The following HTT variants were observed in gnomAD, a reference collection of about 807,000 sequenced individuals.
HTT encodes the protein huntington disease protein.
HTT carries 104 observed loss-of-function variants against 362.3 expected under a neutral mutation model. That is an observed-to-expected ratio of 0.29 (90% CI 0.24 to 0.34). HTT has a LOEUF of 0.34. HTT is among the 10% of genes least tolerant of loss of function. The pLI, the probability that HTT is intolerant of heterozygous loss-of-function variation, is 1.00. For synonymous variants in HTT, 1,577 were observed against 1,548.7 expected, an observed-to-expected ratio of 1.02 and a Z score of -0.43; for missense variants, 3,301 against 3,928.6, an observed-to-expected ratio of 0.84 and a Z score of 4.27.
At chr4:3,087,533 T>C (rs1713272271) in intron 2 of HTT, among the ~76,000 whole-genome samples, 1 of 152,198 alleles carries the variant, frequency 6.6e-6, no homozygotes, top group Non-Finnish European at 1.5e-5. Context: ...CTCACTGGGA[T>C]GAACTAGCAG....
At chr4:3,078,418 A>G (rs1369156082) in intron 1 of HTT, among the ~76,000 whole-genome samples, 3 of 152,216 alleles carry the variant, frequency 2.0e-5, no homozygotes, top group African/African-American at 7.2e-5. Flanking sequence ...AAAGCAGGGA[A>G]GGGGATAGGG....
chr4:3,209,026 G>A (rs1720008054), intron 46 of HTT, 115 bp downstream of exon 46: 4 of 1,174,818 alleles, frequency 3.4e-6, no homozygotes, highest in South Asian at 1.6e-5. Context: ...TCTGGCGCTC[G>A]GCTCGGCTCA....
Position 3,136,252 on chromosome 4 carries a change from C to T in HTT, c.2724C>T (p.Leu908=). The stretch of plus-strand genomic sequence containing the variant: ...TTTTAAAACTGCAAGAACGAGTGCT[C>T]AATAATGTTGTCATCCATTTGCTTG... ...TGLLKLQERV[L]NNVVIHLLGD... Residue 908 remains leucine, a synonymous_variant, in exon 21 of 67, where the codon CTC becomes CTT. Coordinates refer to ENST00000355072, the MANE Select transcript of HTT (RefSeq NM_001388492.1). 2 of 1,611,196 alleles carry T rather than the reference C, an allele frequency of 1.2e-6. No homozygotes were observed. Among genetic ancestry groups the T allele is most frequent in the African/African-American group, 2.7e-5 (2 of 74,942 alleles).
Position 3,156,591 on chromosome 4 carries a change from GTAGAA to G in HTT, c.3626-477_3626-473del, listed in dbSNP as rs1355593074. On this transcript the variant is annotated intron_variant, in intron 27 of 66. Coordinates refer to ENST00000355072, the MANE Select transcript of HTT (RefSeq NM_001388492.1). ...CCAAGTCAAAAGTCTTCAAACTGAAGTAGAATAGTTGTATATAGTGCTTGGCACTT... is the reference window on the plus strand; with the variant it reads ...CCAAGTCAAAAGTCTTCAAACTGAAGTAGTTGTATATAGTGCTTGGCACTT... 2.6e-5 allele frequency among the ~76,000 whole-genome samples: 4 copies of G among 152,344 alleles called. No homozygotes were observed. The East Asian group carries it at 7.7e-4, about 29-fold the overall frequency.
At chr4:3,239,806 C>G in intron 66 of HTT, 40 bp from the exon 67 acceptor site, 28 of 1,417,562 alleles carry the variant, frequency 2.0e-5, no homozygotes, top group South Asian at 2.5e-5. Context: ...AGGCAGCATT[C>G]CCCTCATTTG....
At chr4:3,092,737 A>C (rs958363983) in intron 2 of HTT, among the ~76,000 whole-genome samples, 1 of 152,256 alleles carries the variant, frequency 6.6e-6, no homozygotes, top group Non-Finnish European at 1.5e-5. Context: ...TAAAAAATTC[A>C]GTTAAAAAAT....
intron 19 of HTT, 88 bp from the exon 20 acceptor site, chr4:3,135,816 C>G (rs1040508112): frequency 1.0e-6 from 1 of 998,526 alleles, no homozygotes; most frequent in Non-Finnish European, 1.5e-6. Flanking sequence ...TTCCAGGGCA[C>G]CTGGATGAGC....
intron 2 of HTT, 62 bp downstream of exon 2, chr4:3,087,084 G>T (rs1400384878): frequency 2.3e-6 from 2 of 852,136 alleles, no homozygotes; most frequent in Non-Finnish European, 3.8e-6. Context: ...GTCTTAATGG[G>T]CTAGAATATT....
At chr4:3,229,624 ACGCACACACACCACATG>A (rs998121643) in intron 59 of HTT, among the ~76,000 whole-genome samples, 3 of 149,812 alleles carry the variant, frequency 2.0e-5, no homozygotes, top group Admixed American at 2.0e-4. Flanking sequence ...CTTGCACACC[ACGCACACACACCACATG>A]CGCACACACA....
chr4:3,139,936 A>T (rs1025100743), intron 21 of HTT, among the ~76,000 whole-genome samples: 3 of 152,218 alleles, frequency 2.0e-5, no homozygotes, highest in African/African-American at 7.2e-5. Context: ...ATAGAAAGGG[A>T]TTAAATTTTA....
intron 57 of HTT, among the ~76,000 whole-genome samples, chr4:3,226,016 A>G (rs756764397): frequency 4.6e-5 from 7 of 152,216 alleles, no homozygotes; most frequent in Non-Finnish European, 1.0e-4. Flanking sequence ...TGTAAGAGAC[A>G]GTGAGAGGGC....
chr4:3,176,025 GT>G (rs777646822), intron 33 of HTT, among the ~76,000 whole-genome samples: 2 of 139,202 alleles, frequency 1.4e-5, no homozygotes, highest in Admixed American at 7.0e-5. Flanking sequence ...GTTGTTGTTT[GT>G]TTTTTTTTGT....
At chr4:3,210,904 CTTT>C (rs780304223) in intron 47 of HTT, among the ~76,000 whole-genome samples, 8 of 122,708 alleles carry the variant, frequency 6.5e-5, no homozygotes, top group Admixed American at 1.6e-4. Context: ...AATTGTTTAT[CTTT>C]TTTTTTTTTT....
rs1377224411 is a variant in HTT, at chr4:3,174,777, T to A, written c.4223T>A (p.Val1408Asp). Reference protein sequence around the residue: ...STQLKTNLTSVTKNRADKNAI... With the variant: ...STQLKTNLTSDTKNRADKNAI... ...CAGTTGAAGACAAACCTCACGAGTG[T>A]CACAAAGAACCGTGCAGATAAGGTA... is the stretch of plus-strand genomic sequence containing the variant. Residue 1408 changes from valine (V) to aspartate (D), a missense_variant, in exon 32 of 67, where the codon GTC becomes GAC. By Grantham distance (152) the Val-to-Asp change is radical. Coordinates refer to ENST00000355072, the MANE Select transcript of HTT (RefSeq NM_001388492.1). The A allele has an allele frequency of 6.2e-7, 1 of 1,614,140 alleles. No homozygotes were observed. Among genetic ancestry groups the A allele is most frequent in the Non-Finnish European group, 8.5e-7 (1 of 1,179,986 alleles).
chr4:3,128,145 C>T (rs1250416059), intron 12 of HTT, among the ~76,000 whole-genome samples: 1 of 152,004 alleles, frequency 6.6e-6, no homozygotes, highest in African/African-American at 2.4e-5. Flanking sequence ...GTTGGCCAGG[C>T]TGGTCTCAAA....
At chr4:3,164,074 T>C (rs1001070282) in intron 29 of HTT, among the ~76,000 whole-genome samples, 3 of 152,232 alleles carry the variant, frequency 2.0e-5, no homozygotes, top group Non-Finnish European at 2.9e-5. Context: ...GTGCTATAAA[T>C]TTCCCTCTAC....
intron 2 of HTT, among the ~76,000 whole-genome samples, chr4:3,089,447 G>A (rs534647947): frequency 1.3e-3 from 196 of 152,240 alleles, no homozygotes; most frequent in Non-Finnish European, 2.5e-3. Flanking sequence ...TAGAGATGGG[G>A]TTTCACCGTG....
At chr4:3,193,418 C>T (rs967220652) in intron 40 of HTT, among the ~76,000 whole-genome samples, 2 of 152,190 alleles carry the variant, frequency 1.3e-5, no homozygotes, top group Non-Finnish European at 2.9e-5. Context: ...TATTTTGCCA[C>T]CAGTTGGTTT....
chr4:3,234,695 C>T (rs964945826), intron 61 of HTT, among the ~76,000 whole-genome samples: 3 of 152,128 alleles, frequency 2.0e-5, no homozygotes, highest in African/African-American at 2.4e-5. Flanking sequence ...GCAGAGGGGC[C>T]GTGTCACGTG....
Sources: gnomAD v4.1 joint callset for allele counts (sites outside exome capture counted in the v4.1 genomes callset) on GRCh38, gnomAD v4.1.1 for gene constraint, MANE v1.5 for transcripts, NCBI Gene and HGNC (gene_info 2026-07-23, HGNC 2026-07-21) for gene names.